Variants in SLCO5A1 observed in about 807,000 individuals in gnomAD.
The protein encoded by SLCO5A1 is organic anion transporter polypeptide-related protein 4.
Under a neutral mutation model 65.1 loss-of-function variants are expected in SLCO5A1, and 39 were observed. The ratio of observed to expected loss-of-function variants is 0.60; its 90% CI spans 0.46 to 0.78. The LOEUF is 0.78. SLCO5A1 is among the 30% of genes least tolerant of loss of function. The pLI, the probability that SLCO5A1 is intolerant of heterozygous loss-of-function variation, is 0.00. For synonymous variants in SLCO5A1, 438 were observed against 415.7 expected (o/e 1.05, Z -0.65); for missense variants, 1,029 against 1,069.4 (o/e 0.96, Z 0.53).
intron 2 of SLCO5A1, among the ~76,000 whole-genome samples, chr8:69,826,965 C>T (rs1228331039): frequency 2.0e-5 from 3 of 151,894 alleles, no homozygotes; most frequent in Non-Finnish European, 4.4e-5. Context: ...TACTATGCAG[C>T]CATATAAAAT....
intron 5 of SLCO5A1, among the ~76,000 whole-genome samples, chr8:69,732,937 A>C (rs764772754): frequency 1.3e-5 from 2 of 151,998 alleles, no homozygotes; most frequent in Non-Finnish European, 2.9e-5. Flanking sequence ...GGAGTACAAG[A>C]CTCTAGCATC....
intron 6 of SLCO5A1, among the ~76,000 whole-genome samples, chr8:69,701,023 C>T (rs967879185): frequency 1.3e-5 from 2 of 151,906 alleles, no homozygotes; most frequent in East Asian, 1.9e-4. Context: ...GGATGACAGC[C>T]GGGCAGCCAG....
At chr8:69,774,845 G>A (rs942304532) in intron 2 of SLCO5A1, among the ~76,000 whole-genome samples, 1 of 152,120 alleles carries the variant, frequency 6.6e-6, no homozygotes, top group Admixed American at 6.5e-5. Flanking sequence ...ACGTCGCCAT[G>A]ATACTGCAAC....
At chr8:69,790,284 T>C (rs1050033211) in intron 2 of SLCO5A1, among the ~76,000 whole-genome samples, 2 of 151,862 alleles carry the variant, frequency 1.3e-5, no homozygotes, top group Non-Finnish European at 2.9e-5. Context: ...CTCCATGATG[T>C]GCTTATTTCA....
intron 5 of SLCO5A1, chr8:69,713,386 C>G (rs1815362341): frequency 6.6e-6 from 1 of 152,208 alleles, no homozygotes; most frequent in Non-Finnish European, 1.5e-5. Context: ...ATGGGACGGA[C>G]AAGAAAGCAG....
rs1200190140 is a variant in SLCO5A1 at position 69,833,184 on chromosome 8, G to C, written c.-496-15C>G. The C allele has an allele frequency of 6.3e-6, 1 of 158,142 alleles. No homozygotes were observed. Among genetic ancestry groups the C allele is most frequent in the Non-Finnish European group, 1.4e-5 (1 of 72,464 alleles). 9.8% of individuals were successfully genotyped at this position (158,142 alleles called of 1,614,324 possible). A position where few individuals can be genotyped will look rare whatever the true frequency, so the allele number is the denominator to read the frequency against. ...AAGCTGCCGACCTGCAAAGCAGAAA[G>C]AGGGCGGTCAGCGAAGAGCGGCTGC... On this transcript the variant is annotated splice_polypyrimidine_tract_variant and intron_variant, in intron 1 of 9. Transcript: ENST00000260126.
At chr8:69,700,601 T>C (rs151241453) in intron 6 of SLCO5A1, 1 of 151,890 alleles carries the variant, frequency 6.6e-6, no homozygotes, top group East Asian at 1.9e-4. Context: ...TCAAAACACA[T>C]CATAGTAAAA....
intron 6 of SLCO5A1, among the ~76,000 whole-genome samples, chr8:69,688,481 C>A (rs1202970834): frequency 1.3e-5 from 2 of 151,888 alleles, no homozygotes; most frequent in African/African-American, 4.8e-5. Context: ...TGCTATCCCT[C>A]CCCGCTCCCC....
chr8:69,752,096 T>A (rs1401253998), intron 4 of SLCO5A1, among the ~76,000 whole-genome samples: 1 of 152,050 alleles, frequency 6.6e-6, no homozygotes, highest in African/African-American at 2.4e-5. Flanking sequence ...CTAGGTGTGG[T>A]GGCACAGGCC....
chr8:69,775,809 T>C (rs1586786984), intron 2 of SLCO5A1, among the ~76,000 whole-genome samples: 2 of 151,284 alleles, frequency 1.3e-5, no homozygotes, highest in African/African-American at 4.9e-5. Flanking sequence ...AGCTCAGGAG[T>C]TGGAGACCAA....
chr8:69,786,208 A>G (rs1819036285), intron 2 of SLCO5A1, among the ~76,000 whole-genome samples: 1 of 152,240 alleles, frequency 6.6e-6, no homozygotes, highest in Admixed American at 6.5e-5. Flanking sequence ...AGATGTATCT[A>G]ACTATCTCAT....
intron 2 of SLCO5A1, among the ~76,000 whole-genome samples, chr8:69,767,001 A>G (rs1465522465): frequency 6.6e-6 from 1 of 152,254 alleles, no homozygotes; most frequent in Non-Finnish European, 1.5e-5. Flanking sequence ...ATCTTAGCTA[A>G]TAACAGCAGA....
At chr8:69,765,407 C>T (rs1281063794) in intron 2 of SLCO5A1, among the ~76,000 whole-genome samples, 3 of 149,660 alleles carry the variant, frequency 2.0e-5, no homozygotes, top group Admixed American at 6.6e-5. Flanking sequence ...TATATACACA[C>T]ACACACACAC....
In SLCO5A1 at chr8:69,761,891, G is replaced by A. The variant is rs1817792211; in HGVS notation, c.908-16C>T. On this transcript the variant is annotated splice_polypyrimidine_tract_variant and intron_variant, in intron 2 of 9. Coordinates refer to ENST00000260126, the MANE Select transcript of SLCO5A1 (RefSeq NM_030958.3). ...TACATGATGGCTGAGAAGACAGAAG[G>A]GGAAATGTGAAATACAGCGACGTTT... 8.7e-6 allele frequency: 14 copies of A among 1,609,422 alleles called. No individual in the cohort carries two copies. Among genetic ancestry groups the A allele is most frequent in the African/African-American group, 1.3e-5 (1 of 74,656 alleles).
At chr8:69,792,831 C>T (rs563336790) in intron 2 of SLCO5A1, among the ~76,000 whole-genome samples, 7 of 151,922 alleles carry the variant, frequency 4.6e-5, no homozygotes, top group African/African-American at 9.7e-5. Flanking sequence ...GGTCATAAAA[C>T]GGAGGTAAAA....
chr8:69,729,363 C>T (rs1428285936), intron 5 of SLCO5A1, among the ~76,000 whole-genome samples: 1 of 143,904 alleles, frequency 6.9e-6, no homozygotes, highest in East Asian at 2.1e-4. Context: ...AGAATGGCAT[C>T]AACCCGGGAG....
intron 2 of SLCO5A1, among the ~76,000 whole-genome samples, chr8:69,787,301 C>G (rs1253320391): frequency 6.6e-6 from 1 of 152,242 alleles, no homozygotes; most frequent in Non-Finnish European, 1.5e-5. Context: ...ATAACTTTCT[C>G]TTTATGCCAC....
intron 3 of SLCO5A1, among the ~76,000 whole-genome samples, chr8:69,756,020 T>A (rs148102263): frequency 3.9e-4 from 59 of 151,578 alleles, no homozygotes; most frequent in Middle Eastern, 3.4e-3. Context: ...TAGCATGTTA[T>A]GTGGACCAAT....
intron 5 of SLCO5A1, chr8:69,719,687 C>A (rs1815728872): frequency 6.6e-6 from 1 of 152,184 alleles, no homozygotes; most frequent in Non-Finnish European, 1.5e-5. Context: ...GCTCTGTAAA[C>A]TCCTGTTCGT....
Sources: gnomAD v4.1 joint callset for allele counts (sites outside exome capture counted in the v4.1 genomes callset) on GRCh38, gnomAD v4.1.1 for gene constraint, MANE v1.5 for transcripts, NCBI Gene and HGNC (gene_info 2026-07-23, HGNC 2026-07-21) for gene names.